Variants in BRPF3 observed in about 807,000 individuals in gnomAD.
BRPF3 encodes bromodomain and PHD finger-containing protein 3.
Under a neutral mutation model 102.0 loss-of-function variants are expected in BRPF3, and 18 were observed. That is an observed-to-expected ratio of 0.18 (90% CI 0.12 to 0.26). The LOEUF (loss-of-function observed/expected upper bound fraction) is 0.26, where lower values mean the gene tolerates loss of function less well. Among genes scored for constraint, BRPF3 ranks in the 10% least tolerant of loss-of-function variants. The pLI, the probability that BRPF3 is intolerant of heterozygous loss-of-function variation, is 1.00. For synonymous variants in BRPF3, 570 were observed against 614.2 expected, an observed-to-expected ratio of 0.93 and a Z score of 1.06; for missense variants, 1,147 against 1,567.8, an observed-to-expected ratio of 0.73 and a Z score of 4.53.
At chr6:36,208,318 A>G (rs964873580) in intron 4 of BRPF3, among the ~76,000 whole-genome samples, 4 of 152,200 alleles carry the variant, frequency 2.6e-5, no homozygotes, top group African/African-American at 9.6e-5. Context: ...TGTCACTCAC[A>G]TGCTTCAGAG....
At chr6:36,211,691 A>G (rs770825068) in intron 7 of BRPF3, 131 bp downstream of exon 7, 17 of 1,044,780 alleles carry the variant, frequency 1.6e-5, no homozygotes, top group Non-Finnish European at 1.8e-5. Flanking sequence ...AGTGCTTGGA[A>G]GGGCCACACT....
chr6:36,201,413 C>T lies in BRPF3; in HGVS notation c.1091C>T (p.Pro364Leu). ...GCTGGGCTCTTCATGAAGATTGAGC[C>T]CATGCGCGAAACCAGCCTCAATGGC... Reference protein sequence around the residue: ...QRAGLFMKIEPMRETSLNGTI... With the variant: ...QRAGLFMKIELMRETSLNGTI... Residue 364 changes from proline to leucine, a missense_variant, in exon 2 of 13, where the codon CCC becomes CTC. By Grantham distance (98) the Pro-to-Leu change is moderately conservative. This residue lies in a region of BRPF3 where 157 missense variants were observed against 163.6 expected (regional missense o/e 0.96). Coordinates refer to ENST00000357641, the MANE Select transcript of BRPF3 (RefSeq NM_015695.3). This position sits in a 1 kb window ranked among gnomAD's most constrained non-coding sequence, Gnocchi z 5.1. The T allele has an allele frequency of 6.2e-7, 1 of 1,614,158 alleles. No homozygotes were observed. Among genetic ancestry groups the T allele is most frequent in the Non-Finnish European group, 8.5e-7 (1 of 1,180,034 alleles).
rs774689495 is a variant in BRPF3 at position 36,210,421 on chromosome 6, G to A, written c.2072G>A (p.Arg691Gln). 9 of 1,613,626 alleles carry A rather than the reference G, an allele frequency of 5.6e-6. No homozygotes were observed. The highest frequency in any genetic ancestry group is 2.2e-5 in the East Asian group (1 of 44,874). Residue 691 changes from arginine (R) to glutamine (Q), a missense_variant, in exon 6 of 13, where the codon CGG becomes CAG. Around this residue, in one of 11 missense-constraint regions of BRPF3, gnomAD observed 109 missense variants for 175.1 expected, o/e 0.62. Coordinates refer to ENST00000357641, the MANE Select transcript of BRPF3 (RefSeq NM_015695.3). The surrounding 1 kb of genome is among the most constrained non-coding windows in gnomAD (Gnocchi z 4.7). ...RLRDLGGAIL[R>Q]HARRQAENIG... The stretch of plus-strand genomic sequence containing the variant: ...CGGGACCTGGGAGGGGCCATCCTAC[G>A]GCACGCCCGGCGGCAGGCAGAGAAC...
In BRPF3 at chr6:36,201,714, C is replaced by T. The variant is rs753460033; in HGVS notation, c.1392C>T (p.Gly464=). 109 of 1,613,636 alleles carry T rather than the reference C, an allele frequency of 6.8e-5. 3 individuals are homozygous for T. In the South Asian group the frequency reaches 1.1e-3, roughly 16 times the overall value. ...QKIKKEPEEA[G]QDTPSTLPML... is the part of the protein sequence containing the mutation. ...TCAAGAAGGAGCCAGAGGAAGCAGGCCAAGACACACCCTCCACTCTCCCCA... is the reference window on the plus strand; with the variant it reads ...TCAAGAAGGAGCCAGAGGAAGCAGGTCAAGACACACCCTCCACTCTCCCCA... Residue 464 remains glycine (G), a synonymous_variant, in exon 2 of 13, where the codon GGC becomes GGT. Transcript: ENST00000357641. The surrounding 1 kb of genome is among the most constrained non-coding windows in gnomAD (Gnocchi z 5.1).
chr6:36,203,409 T>G (rs1313464686), intron 2 of BRPF3, among the ~76,000 whole-genome samples: 1 of 151,910 alleles, frequency 6.6e-6, no homozygotes, highest in African/African-American at 2.4e-5. Flanking sequence ...GCTGCTATTT[T>G]ATTATTGCTG....
In BRPF3 at chr6:36,204,654, C is replaced by G. The variant is rs759196312; in HGVS notation, c.1449-4C>G. The G allele has an allele frequency of 6.2e-7, 1 of 1,614,168 alleles. No individual in the cohort carries two copies. The highest frequency in any genetic ancestry group is 1.1e-5 in the South Asian group (1 of 91,080). The stretch of plus-strand genomic sequence containing the variant: ...TCTTTCACTTCCGTGTGCCTCTACT[C>G]AAGGTTGAACAAGATCTGTAGTGGT... On this transcript the variant is annotated splice_region_variant and splice_polypyrimidine_tract_variant and intron_variant, in intron 2 of 12. Transcript: ENST00000357641.
intron 7 of BRPF3, among the ~76,000 whole-genome samples, chr6:36,212,571 A>AG (rs1491475964): frequency 7.0e-6 from 1 of 143,538 alleles, no homozygotes; most frequent in Non-Finnish European, 1.5e-5. Flanking sequence ...AGCATCACCT[A>AG]GAAAAAAAAA....
chr6:36,213,681 C>G (rs1395284734), intron 7 of BRPF3, among the ~76,000 whole-genome samples, 199 bp from the exon 8 acceptor site: 1 of 149,214 alleles, frequency 6.7e-6, no homozygotes, highest in Non-Finnish European at 1.5e-5. Flanking sequence ...CCAGCCTGGT[C>G]AACAGAGCAA....
intron 10 of BRPF3, among the ~76,000 whole-genome samples, chr6:36,224,336 G>C (rs773840006): frequency 1.3e-4 from 20 of 152,170 alleles, no homozygotes; most frequent in Non-Finnish European, 2.4e-4. Context: ...TATAGATGTG[G>C]GGAGGGAAAG....
Position 36,209,809 on chromosome 6 carries a change from T to G in BRPF3, c.1760T>G (p.Met587Arg), listed in dbSNP as rs1561823529. 6.2e-7 allele frequency: 1 copy of G among 1,614,166 alleles called. No individual in the cohort carries two copies. Among genetic ancestry groups the G allele is most frequent in the East Asian group, 2.2e-5 (1 of 44,884 alleles). The change falls in exon 5 of 13, where the codon ATG becomes AGG. Residue 587 changes from methionine to arginine, a missense_variant. By Grantham distance (91) the Met-to-Arg change is moderately conservative. Around this residue, in one of 11 missense-constraint regions of BRPF3, gnomAD observed 44 missense variants for 38.6 expected, o/e 1.14. Coordinates refer to ENST00000357641, the MANE Select transcript of BRPF3 (RefSeq NM_015695.3). ...REQVKVQQAA[M>R]ELELMPFNVL... ...CAGGTCAAAGTCCAGCAGGCTGCCA[T>G]GGAGCTGGAGCTGATGCCATTCAAT...
Position 36,213,728 on chromosome 6 carries a change from C to T in BRPF3, c.2483-152C>T, listed in dbSNP as rs535782709. The T allele has an allele frequency of 6.6e-5, 54 of 816,204 alleles. 1 individual carries two copies. The South Asian group carries it at 9.7e-4, about 15-fold the overall frequency. 50.6% of individuals were successfully genotyped at this position (816,204 alleles called of 1,614,324 possible). On this transcript the variant is annotated intron_variant, in intron 7 of 12. Transcript: ENST00000357641. ...TGAAAAAAAAAAAAAACCTAATCCT[C>T]CTTTCTCTTTGCTTCAGATCTAAGA...
Position 36,211,466 on chromosome 6 carries a change from A to G in BRPF3, c.2388A>G (p.Thr796=), listed in dbSNP as rs924303659. ...PPPQPPSLNK[T]VSNGELPAGP... ...CACAGCCACCATCACTCAACAAGACAGTATCCAATGGGGAGCTGCCAGCAG... is the reference window on the plus strand; with the variant it reads ...CACAGCCACCATCACTCAACAAGACGGTATCCAATGGGGAGCTGCCAGCAG... Residue 796 remains threonine (T), a synonymous_variant, in exon 7 of 13, where the codon ACA becomes ACG. Coordinates refer to ENST00000357641, the MANE Select transcript of BRPF3 (RefSeq NM_015695.3). 4 of 1,600,740 alleles carry G rather than the reference A, an allele frequency of 2.5e-6. No individual in the cohort carries two copies. Among genetic ancestry groups the G allele is most frequent in the Non-Finnish European group, 2.6e-6 (3 of 1,173,884 alleles).
At position 36,210,432 on chromosome 6, in the gene BRPF3, C is replaced by T. The variant is rs765890846; in HGVS notation, c.2083C>T (p.Arg695Trp). 8 of 1,612,810 alleles carry T rather than the reference C, an allele frequency of 5.0e-6. No individual in the cohort carries two copies. The highest frequency in any genetic ancestry group is 2.7e-5 in the African/African-American group (2 of 74,922). The change falls in exon 6 of 13, where the codon CGG becomes TGG. Residue 695 changes from arginine to tryptophan, a missense_variant. Around this residue, in one of 11 missense-constraint regions of BRPF3, gnomAD observed 109 missense variants for 175.1 expected, o/e 0.62. Transcript: ENST00000357641. The surrounding 1 kb of genome is among the most constrained non-coding windows in gnomAD (Gnocchi z 4.7). ...AGGGGCCATCCTACGGCACGCCCGG[C>T]GGCAGGCAGAGAACATCGGCTATGA... ...LGGAILRHARRQAENIGYDPE... is the reference protein window; with the variant it reads ...LGGAILRHARWQAENIGYDPE...
At chr6:36,211,053 A>G in intron 6 of BRPF3, 1 of 618,604 alleles carries the variant, frequency 1.6e-6, no homozygotes, top group Non-Finnish European at 2.8e-6. Flanking sequence ...TGCTTCCTGC[A>G]GACGTTTCCC....
chr6:36,204,478 A>C (rs955910238), intron 2 of BRPF3, 180 bp from the exon 3 acceptor site: 14 of 656,804 alleles, frequency 2.1e-5, no homozygotes, highest in Admixed American at 1.3e-4. Context: ...CTCATGCTGA[A>C]TCTGAGCTGC....
chr6:36,202,421 C>CG (rs71540146), intron 2 of BRPF3, among the ~76,000 whole-genome samples: 2 of 140,740 alleles, frequency 1.4e-5, no homozygotes, highest in African/African-American at 2.7e-5. Context: ...CCCCCCCCCC[C>CG]TCCGCCCCCG....
intron 2 of BRPF3, among the ~76,000 whole-genome samples, chr6:36,202,041 A>T (rs905576391): frequency 6.6e-6 from 1 of 152,222 alleles, no homozygotes; most frequent in Non-Finnish European, 1.5e-5. Flanking sequence ...ATTTTTCAAT[A>T]GGGGCACTAA....
At chr6:36,218,228 G>A (rs1012655983) in intron 9 of BRPF3, among the ~76,000 whole-genome samples, 1 of 152,090 alleles carries the variant, frequency 6.6e-6, no homozygotes, top group Non-Finnish European at 1.5e-5. Flanking sequence ...TAGTGCTGAT[G>A]CTTACAGGGT....
intron 8 of BRPF3, among the ~76,000 whole-genome samples, chr6:36,217,179 A>C (rs1283661334): frequency 6.6e-6 from 1 of 152,212 alleles, no homozygotes; most frequent in African/African-American, 2.4e-5. Flanking sequence ...CATACTGAAT[A>C]GTAAGTAAGT....
Sources: gnomAD v4.1 joint callset for allele counts (sites outside exome capture counted in the v4.1 genomes callset) on GRCh38, gnomAD v4.1.1 for gene constraint, gnomAD v4.1.1 regional missense constraint, Gnocchi (gnomAD v3.1) non-coding constraint, MANE v1.5 for transcripts, NCBI Gene and HGNC (gene_info 2026-07-23, HGNC 2026-07-21) for gene names.